PLPP5: variants seen among roughly 807,000 people sequenced by gnomAD.
PLPP5 encodes phospholipid phosphatase 5, also known as diacylglycerol pyrophosphate like 1.
Under a neutral mutation model 23.6 loss-of-function variants are expected in PLPP5, and 29 were observed. The observed-to-expected ratio is 1.23, with a 90% CI of 0.92 to 1.68. The LOEUF is 1.68. Ranked by LOEUF, PLPP5 falls within the 40% of genes most tolerant of loss-of-function variation. The pLI, the probability that PLPP5 is intolerant of heterozygous loss-of-function variation, is 0.00. For missense variants in PLPP5, 315 were observed against 332.1 expected (o/e 0.95, Z 0.40); for synonymous variants, 143 against 131.3 (o/e 1.09, Z -0.61).
At position 38,267,917 on chromosome 8, in the gene PLPP5, T is replaced by C. The variant is rs774317978; in HGVS notation, c.318A>G (p.Thr106=). 1 of 1,613,948 alleles carries C rather than the reference T, an allele frequency of 6.2e-7. No individual in the cohort carries two copies. The highest frequency in any genetic ancestry group is 8.5e-7 in the Non-Finnish European group (1 of 1,179,898). The change falls in exon 4 of 7, where the codon ACA becomes ACG. Residue 106 remains threonine (T), a synonymous_variant. Coordinates refer to ENST00000424479, the MANE Select transcript of PLPP5 (RefSeq NM_001102559.2). ...ALALNGVFTN[T]IKLIVGRPRP... ...CTTACCTCCCTACGATCAGTTTTAT[T>C]GTGTTGGTAAAGACGCCATTCAGAG...
chr8:38,265,356 A>G (rs527270426), intron 6 of PLPP5, among the ~76,000 whole-genome samples: 3 of 152,170 alleles, frequency 2.0e-5, no homozygotes, highest in South Asian at 4.2e-4. Context: ...CCTGTGGGCA[A>G]TACCTCCAGC....
chr8:38,263,980 C>T lies in PLPP5; in HGVS notation c.*464G>A. ...CAGTAGTGGAAAAGAACCGTAACTC[C>T]TCAAGATAGATGAGCAGGGGCAAAA... On this transcript the variant is annotated 3_prime_UTR_variant, in exon 7 of 7. Transcript: ENST00000424479. 2 of 985,818 alleles carry T rather than the reference C, an allele frequency of 2.0e-6. No individual in the cohort carries two copies. Among genetic ancestry groups the T allele is most frequent in the Non-Finnish European group, 2.4e-6 (2 of 830,278 alleles). The allele number at this position is 985,818 out of a possible 1,614,324, so 61.1% of individuals were successfully genotyped here.
At chr8:38,269,035 C>G (rs1808241855) in intron 1 of PLPP5, 45 bp from the exon 2 acceptor site, 2 of 1,533,248 alleles carry the variant, frequency 1.3e-6, no homozygotes, top group Non-Finnish European at 1.7e-6. Context: ...CTGGCTTCCT[C>G]CCCGCTTCCC....
chr8:38,268,457 A>G lies in PLPP5; in HGVS notation c.188T>C (p.Ile63Thr), dbSNP rs1170920650. The G allele has an allele frequency of 1.9e-6, 3 of 1,569,930 alleles. No homozygotes were observed. The highest frequency in any genetic ancestry group is 2.6e-6 in the Non-Finnish European group (3 of 1,157,082). Reference protein sequence around the residue: ...EYFPTKPMFVIAFLSPLSLIF... With the variant: ...EYFPTKPMFVTAFLSPLSLIF... ...CAGAGACAGTGGAGAGAGAAATGCA[A>G]TAACCTGAATCAGAATGTCAGAGGT... Residue 63 changes from isoleucine to threonine, a missense_variant, in exon 3 of 7, where the codon ATT becomes ACT. Physicochemically the swap from Ile to Thr is moderately conservative, Grantham distance 89. Transcript: ENST00000424479.
In PLPP5 at chr8:38,264,993, G is replaced by C. The variant is rs748146050; in HGVS notation, c.635-389C>G. The C allele has an allele frequency of 2.0e-5, 28 of 1,371,492 alleles. No individual in the cohort carries two copies. The South Asian group carries it at 2.7e-4, about 13-fold the overall frequency. The allele number at this position is 1,371,492 out of a possible 1,614,324, so 85.0% of individuals were successfully genotyped here. On this transcript the variant is annotated intron_variant, in intron 6 of 6. Transcript: ENST00000424479. Reference sequence around the variant, plus strand: ...TATTTTAAGAGTTGCTTCTCGCCGGGCACGGTGACTCACGCCTGTAATCCC... The same window carrying C: ...TATTTTAAGAGTTGCTTCTCGCCGGCCACGGTGACTCACGCCTGTAATCCC...
intron 2 of PLPP5, 174 bp from the exon 3 acceptor site, chr8:38,268,635 G>C (rs1283737134): frequency 1.4e-6 from 2 of 1,437,868 alleles, no homozygotes; most frequent in East Asian, 2.5e-5. Flanking sequence ...CGTGCGGCTC[G>C]GGCCCCGGTA....
chr8:38,268,850 G>C, intron 2 of PLPP5, 32 bp downstream of exon 2: 3 of 1,522,528 alleles, frequency 2.0e-6, no homozygotes, highest in Non-Finnish European at 2.6e-6. Flanking sequence ...CGGGTCATGG[G>C]GAGGGAGGAA....
At chr8:38,266,089 G>GAAT in intron 6 of PLPP5, 52 bp downstream of exon 6, 1 of 1,562,212 alleles carries the variant, frequency 6.4e-7, no homozygotes, top group Non-Finnish European at 8.8e-7. Context: ...TAGGTGCTAG[G>GAAT]AATAAAATGA....
chr8:38,265,004 C>G (rs1188117306), intron 6 of PLPP5: 1 of 1,246,170 alleles, frequency 8.0e-7, no homozygotes, highest in African/African-American at 1.5e-5. Flanking sequence ...CACGGTGACT[C>G]ACGCCTGTAA....
chr8:38,263,998 G>C lies in PLPP5; in HGVS notation c.*446C>G, dbSNP rs183861658. The C allele has an allele frequency of 2.8e-4, 277 of 986,096 alleles. 1 individual carries two copies. The African/African-American group carries it at 4.2e-3, about 15-fold the overall frequency. 61.1% of individuals were successfully genotyped at this position (986,096 alleles called of 1,614,324 possible). A position where few individuals can be genotyped will look rare whatever the true frequency, so the allele number is the denominator to read the frequency against. On this transcript the variant is annotated 3_prime_UTR_variant, in exon 7 of 7. Coordinates refer to ENST00000424479, the MANE Select transcript of PLPP5 (RefSeq NM_001102559.2). ...GTAACTCCTCAAGATAGATGAGCAG[G>C]GGCAAAAGTGTGTAATCATTTGGAG...
Position 38,266,177 on chromosome 8 carries a change from G to C in PLPP5, c.598C>G (p.Leu200Val), listed in dbSNP as rs1807552041. The change falls in exon 6 of 7, where the codon CTG (leucine) becomes GTG (valine). Residue 200 changes from leucine (L) to valine (V), a missense_variant. Coordinates refer to ENST00000424479, the MANE Select transcript of PLPP5 (RefSeq NM_001102559.2). ...SPLLFAAVIA[L>V]SRTCDYKHHW... ...TGCTTGTAGTCACATGTGCGGGACA[G>C]TGCAATCACAGCTGCAAAAAGTAGA... 1 of 1,614,130 alleles carries C rather than the reference G, an allele frequency of 6.2e-7. No homozygotes were observed. The highest frequency in any genetic ancestry group is 8.5e-7 in the Non-Finnish European group (1 of 1,179,980).
At position 38,264,247 on chromosome 8, in the gene PLPP5, A is replaced by G; in HGVS notation, c.*197T>C. ...ACTGGAACCTCCAGCTCCCAGGTTCAAGCAATTCTCCTACCTCAGCCTCCC... is the reference window on the plus strand; with the variant it reads ...ACTGGAACCTCCAGCTCCCAGGTTCGAGCAATTCTCCTACCTCAGCCTCCC... On this transcript the variant is annotated 3_prime_UTR_variant, in exon 7 of 7. Transcript: ENST00000424479. 1.3e-6 allele frequency: 1 copy of G among 771,218 alleles called. No homozygotes were observed. 47.8% of individuals were successfully genotyped at this position (771,218 alleles called of 1,614,324 possible). A position where few individuals can be genotyped will look rare whatever the true frequency, so the allele number is the denominator to read the frequency against.
intron 2 of PLPP5, 175 bp downstream of exon 2, chr8:38,268,707 C>G (rs1808136870): frequency 7.0e-7 from 1 of 1,432,604 alleles, no homozygotes; most frequent in Non-Finnish European, 9.1e-7. Flanking sequence ...GGCTCGGACA[C>G]CCTCCTCTCT....
intron 3 of PLPP5, 191 bp from the exon 4 acceptor site, chr8:38,268,151 CT>C (rs1326633639): frequency 7.4e-7 from 1 of 1,355,718 alleles, no homozygotes; most frequent in Non-Finnish European, 9.8e-7. Flanking sequence ...AAAGACATTT[CT>C]GAGGTACAAA....
At chr8:38,264,938 A>C in intron 6 of PLPP5, 1 of 1,609,768 alleles carries the variant, frequency 6.2e-7, no homozygotes, top group Non-Finnish European at 8.5e-7. Flanking sequence ...CATTTTCACC[A>C]TTTAAAGGGT....
Position 38,268,213 on chromosome 8 carries a change from C to G in PLPP5, c.274+158G>C, listed in dbSNP as rs1490186926. ...CTGCCTGCCGTGTAGCCTGCGTAAC[C>G]AAGTCCCTGCAGTGCTATTTTCCTC... On this transcript the variant is annotated intron_variant, in intron 3 of 6. Transcript: ENST00000424479. 3 of 1,053,930 alleles carry G rather than the reference C, an allele frequency of 2.8e-6. No homozygotes were observed. The East Asian group carries it at 7.8e-5, about 27-fold the overall frequency. The allele number at this position is 1,053,930 out of a possible 1,614,324, so 65.3% of individuals were successfully genotyped here. A position where few individuals can be genotyped will look rare whatever the true frequency, so the allele number is the denominator to read the frequency against.
In PLPP5 at chr8:38,268,076, G is replaced by A. The variant is rs1043671210; in HGVS notation, c.275-116C>T. 5 of 1,534,578 alleles carry A rather than the reference G, an allele frequency of 3.3e-6. No individual in the cohort carries two copies. In the East Asian group the frequency reaches 1.2e-4, roughly 36 times the overall value. On this transcript the variant is annotated intron_variant, in intron 3 of 6. Coordinates refer to ENST00000424479, the MANE Select transcript of PLPP5 (RefSeq NM_001102559.2). ...GATGGATAGAATCCAACCAGGCCTG[G>A]GCACAAAAATAATTAGGGTCCTCAG...
chr8:38,269,071 C>T (rs1585834591), intron 1 of PLPP5, 55 bp downstream of exon 1: 1 of 1,524,378 alleles, frequency 6.6e-7, no homozygotes, highest in Middle Eastern at 1.8e-4. Context: ...CGCCCCGTGC[C>T]GCCCGCCTGC....
In PLPP5 at chr8:38,264,039, G is replaced by A. The variant is rs1312796234; in HGVS notation, c.*405C>T. 17 of 988,318 alleles carry A rather than the reference G, an allele frequency of 1.7e-5. No individual in the cohort carries two copies. Among genetic ancestry groups the A allele is most frequent in the Non-Finnish European group, 2.0e-5 (17 of 832,042 alleles). The allele number at this position is 988,318 out of a possible 1,614,324, so 61.2% of individuals were successfully genotyped here. A position where few individuals can be genotyped will look rare whatever the true frequency, so the allele number is the denominator to read the frequency against. On this transcript the variant is annotated 3_prime_UTR_variant, in exon 7 of 7. Transcript: ENST00000424479. ...TCATTTGGAGGCAGAATACAGTGTG[G>A]CTTATGTCCTCACTTGCACCTTGGA...
Sources: allele counts gnomAD v4.1 joint callset (sites outside exome capture counted in the v4.1 genomes callset), GRCh38; gene constraint gnomAD v4.1.1; transcripts MANE v1.5; gene names NCBI Gene and HGNC (gene_info 2026-07-23, HGNC 2026-07-21).